The following SHANK2 variants were observed in gnomAD, a reference collection of about 807,000 sequenced individuals.
The protein encoded by SHANK2 is SH3 and multiple ankyrin repeat domains protein 2.
A neutral mutation model predicts 133.7 loss-of-function variants in SHANK2; 43 were observed. The ratio of observed to expected loss-of-function variants is 0.32; its 90% CI spans 0.25 to 0.41. SHANK2 has a LOEUF of 0.41. Ranked by LOEUF, SHANK2 falls within the 10% of genes least tolerant of loss-of-function variation. The pLI, the probability that SHANK2 is intolerant of heterozygous loss-of-function variation, is 1.00. For synonymous variants in SHANK2, 1,017 were observed against 952.8 expected, an observed-to-expected ratio of 1.07 and a Z score of -1.24; for missense variants, 1,994 against 2,235.8, an observed-to-expected ratio of 0.89 and a Z score of 2.18.
Position 70,661,582 on chromosome 11 carries a change from G to C in SHANK2, c.1936+14C>G. 6.2e-7 allele frequency: 1 copy of C among 1,608,666 alleles called. No homozygotes were observed. The highest frequency in any genetic ancestry group is 8.5e-7 in the Non-Finnish European group (1 of 1,176,280). ...ACATGGGAACATATTCAGGCTCAGA[G>C]CGGCTGCTCTTACCTTTGGCCCCTC... On this transcript the variant is annotated intron_variant, in intron 16 of 25. Transcript: ENST00000601538.
At chr11:70,893,726 T>G (rs1949889116) in intron 11 of SHANK2, among the ~76,000 whole-genome samples, 1 of 152,204 alleles carries the variant, frequency 6.6e-6, no homozygotes, top group Admixed American at 6.5e-5. Flanking sequence ...AACTATCCTT[T>G]CCCTTTGGGG....
intron 17 of SHANK2, among the ~76,000 whole-genome samples, chr11:70,567,816 C>T (rs1429464643): frequency 6.6e-6 from 1 of 152,206 alleles, no homozygotes; most frequent in African/African-American, 2.4e-5. Context: ...CCCAGCCACC[C>T]TGTCTGTGGT....
At chr11:70,931,085 C>T (rs1950497747) in intron 10 of SHANK2, among the ~76,000 whole-genome samples, 1 of 152,150 alleles carries the variant, frequency 6.6e-6, no homozygotes, top group Non-Finnish European at 1.5e-5. Flanking sequence ...GAGACTTGAC[C>T]ACACCATGCT....
At chr11:70,708,844 C>T (rs1431010712) in intron 14 of SHANK2, among the ~76,000 whole-genome samples, 5 of 152,118 alleles carry the variant, frequency 3.3e-5, no homozygotes, top group South Asian at 4.1e-4. Context: ...TGATGCCATG[C>T]GTCCTGAAGA....
chr11:70,857,413 G>A (rs1203533364), intron 11 of SHANK2, among the ~76,000 whole-genome samples: 1 of 152,178 alleles, frequency 6.6e-6, no homozygotes, highest in Non-Finnish European at 1.5e-5. Flanking sequence ...GCAACCTGGA[G>A]GCTAAGCCCT....
chr11:70,778,006 A>G (rs557236076), intron 14 of SHANK2, among the ~76,000 whole-genome samples: 2 of 152,314 alleles, frequency 1.3e-5, no homozygotes, highest in South Asian at 4.2e-4. Flanking sequence ...GAATAATGAC[A>G]GGAGAGCTAG....
intron 3 of SHANK2, among the ~76,000 whole-genome samples, chr11:71,140,534 G>A (rs1952534814): frequency 2.0e-5 from 3 of 152,242 alleles, no homozygotes. Context: ...CAGTGCCGAT[G>A]GAGGACCTCA....
chr11:70,741,794 T>G (rs1193114229), intron 14 of SHANK2, among the ~76,000 whole-genome samples: 1 of 152,210 alleles, frequency 6.6e-6, no homozygotes. Context: ...CACACGTCCA[T>G]AAGGGACCAT....
chr11:70,863,057 AG>A (rs763825556), intron 11 of SHANK2, among the ~76,000 whole-genome samples: 25 of 152,212 alleles, frequency 1.6e-4, no homozygotes, highest in Non-Finnish European at 3.4e-4. Flanking sequence ...GAGCAGGGGT[AG>A]CATCCATCTT....
Position 71,252,109 on chromosome 11 carries a change from G to A in SHANK2, c.-113+316C>T, listed in dbSNP as rs185996396. Among the ~76,000 whole-genome samples, 250 of 152,294 alleles carry A rather than the reference G, an allele frequency of 1.6e-3. 1 individual carries two copies. The highest frequency in any genetic ancestry group is 5.9e-3 in the African/African-American group (244 of 41,582). ...GACTACGTGGTCCATGCGCGCAGGA[G>A]ATAAAGCGGGGGCTCCTTCCTGCGC... On this transcript the variant is annotated intron_variant, in intron 1 of 25. Transcript: ENST00000601538. The surrounding 1 kb of genome is among the most constrained non-coding windows in gnomAD (Gnocchi z 6.3).
chr11:71,209,413 G>A (rs1235353060), intron 2 of SHANK2, among the ~76,000 whole-genome samples: 8 of 152,212 alleles, frequency 5.3e-5, no homozygotes, highest in African/African-American at 9.6e-5. Flanking sequence ...GCTTCGGTTC[G>A]CAGGAGCCCA....
intron 12 of SHANK2, among the ~76,000 whole-genome samples, chr11:70,817,767 C>T (rs2135330114): frequency 6.6e-6 from 1 of 152,314 alleles, no homozygotes; most frequent in East Asian, 1.9e-4. Context: ...TGGAGTCTCG[C>T]TCTGTCACTC....
intron 11 of SHANK2, among the ~76,000 whole-genome samples, chr11:70,866,307 G>C (rs1342681560): frequency 2.0e-5 from 3 of 152,094 alleles, no homozygotes; most frequent in Non-Finnish European, 4.4e-5. Context: ...GGCACCAAAT[G>C]GGGGGAACCA....
intron 25 of SHANK2, among the ~76,000 whole-genome samples, chr11:70,480,112 C>T (rs527583866): frequency 1.3e-5 from 2 of 152,330 alleles, no homozygotes; most frequent in South Asian, 2.1e-4. Flanking sequence ...CTCCATTCAG[C>T]TCATGCCCAT....
intron 2 of SHANK2, among the ~76,000 whole-genome samples, chr11:71,157,906 C>T (rs1952933967): frequency 6.6e-6 from 1 of 152,158 alleles, no homozygotes; most frequent in Non-Finnish European, 1.5e-5. Context: ...CAAGCCCCTC[C>T]TGGGACACTG....
intron 2 of SHANK2, among the ~76,000 whole-genome samples, chr11:71,151,964 G>A (rs1232716778): frequency 1.3e-5 from 2 of 152,170 alleles, no homozygotes; most frequent in Non-Finnish European, 2.9e-5. Context: ...GCAGAATGTG[G>A]TCCCCAAATC....
intron 10 of SHANK2, among the ~76,000 whole-genome samples, chr11:70,899,599 C>T (rs1230019546): frequency 2.6e-5 from 4 of 152,288 alleles, no homozygotes; most frequent in East Asian, 1.9e-4. Flanking sequence ...GCTGAGGTGC[C>T]GTCCTCCCAA....
At chr11:70,709,636 A>G (rs1354709545) in intron 14 of SHANK2, among the ~76,000 whole-genome samples, 1 of 152,224 alleles carries the variant, frequency 6.6e-6, no homozygotes, top group African/African-American at 2.4e-5. Context: ...TTTCACAGAC[A>G]CGGACACTGA....
intron 17 of SHANK2, among the ~76,000 whole-genome samples, chr11:70,636,740 G>A (rs1192622770): frequency 4.2e-5 from 1 of 23,994 alleles, no homozygotes. Context: ...GTGTGAATAT[G>A]TGTGAGCATG....
Sources: gnomAD v4.1 joint callset for allele counts (sites outside exome capture counted in the v4.1 genomes callset) on GRCh38, gnomAD v4.1.1 for gene constraint, Gnocchi (gnomAD v3.1) non-coding constraint, MANE v1.5 for transcripts, NCBI Gene and HGNC (gene_info 2026-07-23, HGNC 2026-07-21) for gene names.